The following MDFIC variants were observed in gnomAD, a reference collection of about 807,000 sequenced individuals.
The protein encoded by MDFIC is MyoD family inhibitor domain containing, also known as myoD family inhibitor domain-containing protein.
MDFIC carries 17 observed loss-of-function variants against 23.2 expected under a neutral mutation model. The observed-to-expected ratio is 0.73, with a 90% confidence interval of 0.50 to 1.10. The LOEUF is 1.10. Ranked by LOEUF, MDFIC falls within the 50% of genes least tolerant of loss-of-function variation. The pLI is 0.00. For synonymous variants in MDFIC, 120 were observed against 115.2 expected (o/e 1.04, Z -0.27); for missense variants, 356 against 316.6 (o/e 1.12, Z -0.95).
intron 3 of MDFIC, among the ~76,000 whole-genome samples, chr7:114,976,555 G>A (rs1793319012): frequency 6.6e-6 from 1 of 152,004 alleles, no homozygotes; most frequent in African/African-American, 2.4e-5. Flanking sequence ...TATGAAAAGG[G>A]CATATATAAC....
intron 2 of MDFIC, among the ~76,000 whole-genome samples, chr7:114,939,411 A>C (rs1427065608): frequency 6.6e-6 from 1 of 152,198 alleles, no homozygotes; most frequent in Non-Finnish European, 1.5e-5. Context: ...GTAATTGCAT[A>C]TTATTTACTA....
intron 2 of MDFIC, among the ~76,000 whole-genome samples, chr7:114,923,882 C>A (rs941825837): frequency 1.2e-4 from 19 of 152,200 alleles, no homozygotes; most frequent in African/African-American, 3.9e-4. Context: ...CTAAAGAATT[C>A]TGTCACTGAT....
chr7:114,997,734 T>G (rs184918572), intron 4 of MDFIC, among the ~76,000 whole-genome samples: 1 of 137,478 alleles, frequency 7.3e-6, no homozygotes, highest in African/African-American at 2.8e-5. Context: ...GGCAACAGAG[T>G]GCATGACCCT....
intron 4 of MDFIC, among the ~76,000 whole-genome samples, chr7:114,994,037 A>G (rs1305339194): frequency 2.0e-5 from 3 of 152,084 alleles, no homozygotes; most frequent in Non-Finnish European, 4.4e-5. Flanking sequence ...GTGCTCCTGT[A>G]TTGGGTGCAT....
intron 3 of MDFIC, among the ~76,000 whole-genome samples, chr7:114,961,413 G>A (rs73443289): frequency 0.017 from 2,532 of 152,268 alleles, 64 homozygotes; most frequent in African/African-American, 0.057. Context: ...CAGGCTGAAA[G>A]CAGAGGGGAT....
chr7:115,003,153 C>T (rs886478903), intron 4 of MDFIC, among the ~76,000 whole-genome samples: 1 of 152,164 alleles, frequency 6.6e-6, no homozygotes, highest in Non-Finnish European at 1.5e-5. Context: ...GTTTCTACTT[C>T]CATGTTTACT....
chr7:114,932,736 G>A (rs1792338681), intron 2 of MDFIC, among the ~76,000 whole-genome samples: 1 of 152,174 alleles, frequency 6.6e-6, no homozygotes, highest in Admixed American at 6.5e-5. Flanking sequence ...CAGCAAGGGT[G>A]GGGAGGACCC....
At chr7:114,991,260 G>T (rs1020532188) in intron 4 of MDFIC, among the ~76,000 whole-genome samples, 1 of 152,152 alleles carries the variant, frequency 6.6e-6, no homozygotes, top group African/African-American at 2.4e-5. Context: ...TCCTTTGTCA[G>T]ATGAGTAGAT....
At chr7:114,998,262 A>G (rs963690284) in intron 4 of MDFIC, among the ~76,000 whole-genome samples, 1 of 152,198 alleles carries the variant, frequency 6.6e-6, no homozygotes, top group Non-Finnish European at 1.5e-5. Context: ...TCAAAGTGTT[A>G]TTCATTGAAT....
intron 2 of MDFIC, among the ~76,000 whole-genome samples, chr7:114,931,556 C>A (rs921257400): frequency 1.3e-5 from 2 of 152,146 alleles, no homozygotes; most frequent in Non-Finnish European, 2.9e-5. Context: ...AATTTCTCAA[C>A]AGGATGAGAA....
chr7:114,923,694 C>T (rs530162790), intron 2 of MDFIC: 3 of 1,384,858 alleles, frequency 2.2e-6, no homozygotes, highest in Admixed American at 3.0e-5. Context: ...TGTGTTCTTC[C>T]AAAGTGTAAA....
At chr7:114,953,793 T>C (rs1479748615) in intron 3 of MDFIC, among the ~76,000 whole-genome samples, 1 of 152,224 alleles carries the variant, frequency 6.6e-6, no homozygotes, top group African/African-American at 2.4e-5. Context: ...TCTTCTAATA[T>C]ACTTTAAATT....
intron 2 of MDFIC, among the ~76,000 whole-genome samples, chr7:114,924,379 G>A (rs1420400288): frequency 6.6e-6 from 1 of 152,110 alleles, no homozygotes; most frequent in African/African-American, 2.4e-5. Flanking sequence ...GTTAAACCAG[G>A]CTTATGTCAA....
chr7:114,933,342 T>G (rs1792364381), intron 2 of MDFIC, among the ~76,000 whole-genome samples: 1 of 148,914 alleles, frequency 6.7e-6, no homozygotes. Flanking sequence ...CACTGCAGCC[T>G]CCGCCTCCCA....
intron 4 of MDFIC, chr7:115,014,514 A>G: frequency 7.8e-7 from 1 of 1,289,720 alleles, no homozygotes; most frequent in Non-Finnish European, 1.0e-6. Context: ...ATACAGAAAC[A>G]CAAAGGACAT....
At chr7:115,001,332 C>T (rs1791462719) in intron 4 of MDFIC, among the ~76,000 whole-genome samples, 1 of 152,180 alleles carries the variant, frequency 6.6e-6, no homozygotes, top group African/African-American at 2.4e-5. Context: ...TCCACTATAA[C>T]TTCTCTTGGG....
intron 2 of MDFIC, chr7:114,923,390 T>G (rs1792130396): frequency 1.4e-6 from 2 of 1,449,120 alleles, no homozygotes; most frequent in East Asian, 5.0e-5. Context: ...CAGGATTGCT[T>G]CTTTCTTAAG....
intron 2 of MDFIC, among the ~76,000 whole-genome samples, chr7:114,931,059 C>G (rs1458650013): frequency 1.3e-5 from 2 of 152,004 alleles, no homozygotes; most frequent in African/African-American, 4.8e-5. Flanking sequence ...CCCTCCGTCC[C>G]CTTTTCCTCC....
chr7:114,961,314 C>T (rs1792987504), intron 3 of MDFIC, among the ~76,000 whole-genome samples: 1 of 152,118 alleles, frequency 6.6e-6, no homozygotes, highest in Admixed American at 6.5e-5. Flanking sequence ...TTCCCTAGTT[C>T]TTTAACTCAA....
Sources: allele counts gnomAD v4.1 joint callset (sites outside exome capture counted in the v4.1 genomes callset), GRCh38; gene constraint gnomAD v4.1.1; transcripts MANE v1.5; gene names NCBI Gene and HGNC (gene_info 2026-07-23, HGNC 2026-07-21).